The following FARS2 variants were observed in gnomAD, a reference collection of about 807,000 sequenced individuals.
The protein encoded by FARS2 is phenylalanyl-tRNA synthetase 2, mitochondrial, also known as phenylalanine--tRNA ligase, mitochondrial.
FARS2 carries 40 observed loss-of-function variants against 46.4 expected under a neutral mutation model. The observed-to-expected ratio is 0.86, with a 90% CI of 0.67 to 1.12. The LOEUF is 1.12. FARS2 is among the 50% of genes most tolerant of loss of function. The pLI is 0.00. For synonymous variants in FARS2, 234 were observed against 214.9 expected (o/e 1.09, Z -0.78); for missense variants, 513 against 567.9 (o/e 0.90, Z 0.98).
At chr6:5,752,981 A>T (rs992823505) in intron 6 of FARS2, among the ~76,000 whole-genome samples, 1 of 152,188 alleles carries the variant, frequency 6.6e-6, no homozygotes, top group African/African-American at 2.4e-5. Flanking sequence ...CTGGCAAGTC[A>T]TGACCCTCCC....
intron 5 of FARS2, among the ~76,000 whole-genome samples, chr6:5,608,517 T>G (rs1311395281): frequency 6.6e-6 from 1 of 152,196 alleles, no homozygotes; most frequent in Non-Finnish European, 1.5e-5. Context: ...TCTGTAGTTT[T>G]TTTTGAGTAT....
chr6:5,484,862 G>A (rs535744563), intron 4 of FARS2, among the ~76,000 whole-genome samples: 2 of 152,274 alleles, frequency 1.3e-5, no homozygotes, highest in African/African-American at 2.4e-5. Flanking sequence ...CCAGGCAGAC[G>A]GGGGCACAGC....
chr6:5,393,878 G>A (rs1760735061), intron 2 of FARS2, among the ~76,000 whole-genome samples: 1 of 152,146 alleles, frequency 6.6e-6, no homozygotes, highest in Admixed American at 6.5e-5. Context: ...TGGATGGAAG[G>A]GGCAGAGTGA....
chr6:5,536,828 T>C (rs1291775931), intron 4 of FARS2, among the ~76,000 whole-genome samples: 1 of 152,226 alleles, frequency 6.6e-6, no homozygotes, highest in Non-Finnish European at 1.5e-5. Flanking sequence ...CTTCTTTGAA[T>C]AGGCACAAGA....
chr6:5,768,387 G>A (rs1449329693), intron 6 of FARS2, among the ~76,000 whole-genome samples: 1 of 152,066 alleles, frequency 6.6e-6, no homozygotes, highest in Non-Finnish European at 1.5e-5. Context: ...CCTTATAGAG[G>A]CCTTTTTCTG....
intron 6 of FARS2, among the ~76,000 whole-genome samples, chr6:5,730,516 G>A (rs1394410648): frequency 1.4e-5 from 2 of 146,690 alleles, no homozygotes; most frequent in Non-Finnish European, 3.0e-5. Context: ...AGATTACAAA[G>A]AGGTTTTTTT....
At position 5,368,907 on chromosome 6, in the gene FARS2, T is replaced by A. The variant is rs748474162; in HGVS notation, c.337T>A (p.Tyr113Asn). ...GRFGTPLFSV[Y>N]DNLSPVVTTW... The stretch of plus-strand genomic sequence containing the variant: ...CTTTGGGACCCCGTTGTTCTCGGTC[T>A]ACGACAACCTTTCTCCAGTGGTCAC... Residue 113 changes from tyrosine to asparagine, a missense_variant, in exon 2 of 7, where the codon TAC becomes AAC. By Grantham distance (143) the Tyr-to-Asn change is moderately radical. Transcript: ENST00000274680. 1 of 1,614,024 alleles carries A rather than the reference T, an allele frequency of 6.2e-7. No homozygotes were observed. Among genetic ancestry groups the A allele is most frequent in the African/African-American group, 1.3e-5 (1 of 74,914 alleles).
chr6:5,716,548 C>T (rs1759502930), intron 6 of FARS2, among the ~76,000 whole-genome samples: 1 of 152,186 alleles, frequency 6.6e-6, no homozygotes, highest in Non-Finnish European at 1.5e-5. Flanking sequence ...CAGCAAACAC[C>T]AGCAGGTGTC....
At chr6:5,634,312 T>G (rs902637639) in intron 6 of FARS2, among the ~76,000 whole-genome samples, 2 of 152,202 alleles carry the variant, frequency 1.3e-5, no homozygotes, top group Non-Finnish European at 2.9e-5. Context: ...TTTTTTTATT[T>G]TTATTTTTGA....
At chr6:5,423,204 A>G (rs1380608937) in intron 3 of FARS2, among the ~76,000 whole-genome samples, 1 of 152,058 alleles carries the variant, frequency 6.6e-6, no homozygotes, top group African/African-American at 2.4e-5. Flanking sequence ...ATCGAGGACC[A>G]AAGGGCTGTG....
chr6:5,301,585 A>G (rs1224861206), intron 1 of FARS2, among the ~76,000 whole-genome samples: 2 of 152,094 alleles, frequency 1.3e-5, no homozygotes, highest in African/African-American at 4.8e-5. Context: ...GATCAAAGCC[A>G]AAATCATTTC....
At chr6:5,407,592 G>T (rs2032988) in intron 3 of FARS2, among the ~76,000 whole-genome samples, 93,477 of 151,698 alleles carry the variant, frequency 0.62, 29,622 homozygotes, top group African/African-American at 0.76. Context: ...GTTTCAAATG[G>T]ATTTATAATG....
chr6:5,663,501 C>T (rs1458913225), intron 6 of FARS2, among the ~76,000 whole-genome samples: 1 of 152,204 alleles, frequency 6.6e-6, no homozygotes, highest in Admixed American at 6.5e-5. Flanking sequence ...CAGCAGACAG[C>T]TTTCTTCAGT....
At chr6:5,690,336 T>C (rs1471849080) in intron 6 of FARS2, among the ~76,000 whole-genome samples, 2 of 152,112 alleles carry the variant, frequency 1.3e-5, no homozygotes, top group African/African-American at 4.8e-5. Flanking sequence ...TGGCTAGTAC[T>C]GGTTGTTCCT....
chr6:5,548,564 C>G (rs777420656), intron 5 of FARS2, among the ~76,000 whole-genome samples: 16 of 152,120 alleles, frequency 1.1e-4, no homozygotes, highest in Non-Finnish European at 1.8e-4. Context: ...AATATATTGT[C>G]AGTTATTTAA....
At chr6:5,574,923 C>T (rs1037114552) in intron 5 of FARS2, among the ~76,000 whole-genome samples, 1 of 151,614 alleles carries the variant, frequency 6.6e-6, no homozygotes, top group African/African-American at 2.4e-5. Flanking sequence ...TTCTAGGATC[C>T]AGGGAATACT....
At chr6:5,476,067 C>T (rs1445865584) in intron 4 of FARS2, among the ~76,000 whole-genome samples, 1 of 152,154 alleles carries the variant, frequency 6.6e-6, no homozygotes, top group Admixed American at 6.5e-5. Context: ...AAAGTGTCTT[C>T]CCTTCTGAGA....
At chr6:5,447,247 G>A (rs1309322238) in intron 4 of FARS2, among the ~76,000 whole-genome samples, 1 of 152,202 alleles carries the variant, frequency 6.6e-6, no homozygotes, top group African/African-American at 2.4e-5. Flanking sequence ...TGGGCAGAGA[G>A]GGGGCCAGAT....
At chr6:5,704,341 C>G (rs1331028475) in intron 6 of FARS2, among the ~76,000 whole-genome samples, 2 of 152,198 alleles carry the variant, frequency 1.3e-5, no homozygotes, top group Non-Finnish European at 2.9e-5. Context: ...GGGCTCTGCC[C>G]TCCTGACCTA....
Sources: allele counts gnomAD v4.1 joint callset (sites outside exome capture counted in the v4.1 genomes callset), GRCh38; gene constraint gnomAD v4.1.1; transcripts MANE v1.5; gene names NCBI Gene and HGNC (gene_info 2026-07-23, HGNC 2026-07-21).